MRPL42: variants seen among roughly 807,000 people sequenced by gnomAD.
MRPL42 encodes large ribosomal subunit protein mL42.
In MRPL42, 17 loss-of-function variants were observed where a neutral mutation model predicts 17.9. That is an observed-to-expected ratio of 0.95 (90% confidence interval 0.65 to 1.42). The LOEUF (loss-of-function observed/expected upper bound fraction) is 1.42. MRPL42 is among the 40% of genes most tolerant of loss of function. MRPL42 has a pLI of 0.00. For synonymous variants in MRPL42, 59 were observed against 54.4 expected (o/e 1.08, Z -0.37); for missense variants, 177 against 175.2 (o/e 1.01, Z -0.06).
intron 5 of MRPL42, among the ~76,000 whole-genome samples, chr12:93,497,308 A>G (rs922790688): frequency 6.6e-6 from 1 of 152,310 alleles, no homozygotes; most frequent in African/African-American, 2.4e-5. Flanking sequence ...TATCCCTGAT[A>G]AACATGGATG....
In MRPL42 at chr12:93,503,831, C is replaced by T. The variant is rs2121289884; in HGVS notation, c.*2610C>T. On this transcript the variant is annotated 3_prime_UTR_variant, in exon 6 of 6. Transcript: ENST00000549982. ...AATTTTTTCCGTATCATTAAGTACT[C>T]TGATTTAATGGGTGCATATTATTCT... The T allele has an allele frequency of 6.6e-6, 1 of 151,978 alleles. No individual in the cohort carries two copies. Among genetic ancestry groups the T allele is most frequent in the Middle Eastern group, 3.4e-3 (1 of 294 alleles). 9.4% of individuals were successfully genotyped at this position (151,978 alleles called of 1,614,324 possible).
At chr12:93,489,167 ATAG>A (rs1953365235) in intron 5 of MRPL42, among the ~76,000 whole-genome samples, 1 of 152,208 alleles carries the variant, frequency 6.6e-6, no homozygotes. Context: ...AGGAGGGAAG[ATAG>A]TAGAGTAAAT....
At position 93,501,433 on chromosome 12, in the gene MRPL42, TC is replaced by T. The variant is rs1385250826; in HGVS notation, c.*213del. On this transcript the variant is annotated 3_prime_UTR_variant, in exon 6 of 6. Coordinates refer to ENST00000549982, the MANE Select transcript of MRPL42 (RefSeq NM_014050.4). ...TTTTTTCTTTTTCTATTTTAGTGTT[TC>T]ATTTATGTGCGGTCTCCAATTTAGG... The T allele has an allele frequency of 2.1e-5, 7 of 341,264 alleles. No homozygotes were observed. The Admixed American group carries it at 2.4e-4, about 12-fold the overall frequency. The allele number at this position is 341,264 out of a possible 1,614,324, so 21.1% of individuals were successfully genotyped here.
Position 93,479,826 on chromosome 12 carries a change from T to A in MRPL42, c.219+354T>A, listed in dbSNP as rs146065919. On this transcript the variant is annotated intron_variant, in intron 4 of 5. Transcript: ENST00000549982. ...CTAGACAATTATGAGAAAGTTGTATTTTAGAGTGCTGGGATTACAGCTACT... is the reference window on the plus strand; with the variant it reads ...CTAGACAATTATGAGAAAGTTGTATATTAGAGTGCTGGGATTACAGCTACT... Among the ~76,000 whole-genome samples, 542 of 151,734 alleles carry A rather than the reference T, an allele frequency of 3.6e-3. 2 individuals are homozygous for A. The highest frequency in any genetic ancestry group is 5.0e-3 in the Non-Finnish European group (336 of 67,878).
At chr12:93,484,939 C>T (rs1003385449) in intron 4 of MRPL42, among the ~76,000 whole-genome samples, 4 of 99,624 alleles carry the variant, frequency 4.0e-5, no homozygotes, top group Non-Finnish European at 9.2e-5. Flanking sequence ...CTTAATTGTG[C>T]CACCTCCATT....
At chr12:93,491,823 G>A (rs954406010) in intron 5 of MRPL42, among the ~76,000 whole-genome samples, 3 of 152,166 alleles carry the variant, frequency 2.0e-5, no homozygotes, top group Non-Finnish European at 4.4e-5. Flanking sequence ...TTGTGTCCGT[G>A]TGTACCCAGT....
chr12:93,471,680 CAT>C (rs1451640039), intron 2 of MRPL42, among the ~76,000 whole-genome samples: 1 of 152,136 alleles, frequency 6.6e-6, no homozygotes, highest in African/African-American at 2.4e-5. Context: ...GGGCCCTAAA[CAT>C]AGAAACATTT....
At chr12:93,480,054 T>C (rs1005553259) in intron 4 of MRPL42, among the ~76,000 whole-genome samples, 1 of 152,106 alleles carries the variant, frequency 6.6e-6, no homozygotes, top group Non-Finnish European at 1.5e-5. Context: ...TTGACCCAAG[T>C]CTTTTTATTG....
In MRPL42 at chr12:93,491,678, T is replaced by A. The variant is rs182674517; in HGVS notation, c.383+4018T>A. On this transcript the variant is annotated intron_variant, in intron 5 of 5. Coordinates refer to ENST00000549982, the MANE Select transcript of MRPL42 (RefSeq NM_014050.4). ...CTTCAGAGGGTACACAAGGGTATAT[T>A]GTGTGATGCTGAGGTTTGGAGTATG... Among the ~76,000 whole-genome samples, 14 of 152,310 alleles carry A rather than the reference T, an allele frequency of 9.2e-5. No individual in the cohort carries two copies. In the East Asian group the frequency reaches 2.5e-3, roughly 27 times the overall value.
chr12:93,467,733 A>G (rs1879698181), intron 1 of MRPL42, among the ~76,000 whole-genome samples, 179 bp downstream of exon 1: 1 of 152,170 alleles, frequency 6.6e-6, no homozygotes. Flanking sequence ...CGTTTCTTAT[A>G]GCGCCCCCTT....
At chr12:93,494,407 G>GAGCTAA (rs1197428083) in intron 5 of MRPL42, among the ~76,000 whole-genome samples, 1 of 152,212 alleles carries the variant, frequency 6.6e-6, no homozygotes, top group African/African-American at 2.4e-5. Context: ...TTTGGAGATA[G>GAGCTAA]AGCTAACAAG....
In MRPL42 at chr12:93,507,946, T is replaced by TAAA; in HGVS notation, c.*6734_*6736dup. 6.7e-6 allele frequency: 1 copy of TAAA among 149,314 alleles called. No individual in the cohort carries two copies. Among genetic ancestry groups the TAAA allele is most frequent in the Non-Finnish European group, 1.5e-5 (1 of 67,216 alleles). The allele number at this position is 149,314 out of a possible 1,614,324, so 9.2% of individuals were successfully genotyped here. On this transcript the variant is annotated 3_prime_UTR_variant, in exon 6 of 6. Coordinates refer to ENST00000549982, the MANE Select transcript of MRPL42 (RefSeq NM_014050.4). The stretch of plus-strand genomic sequence containing the variant: ...GGGCAACATAGTGAGAGCCCATCTG[T>TAAA]AAAAAAAAAAATTTTTTGAGATGGA...
At position 93,514,295 on chromosome 12, in the gene MRPL42, C is replaced by CTTTTTTTTTTTTTTTTTTT; in HGVS notation, c.*13076_*13094dup. 8.3e-6 allele frequency: 1 copy of CTTTTTTTTTTTTTTTTTTT among 120,852 alleles called. No homozygotes were observed. The highest frequency in any genetic ancestry group is 1.7e-5 in the Non-Finnish European group (1 of 59,760). The allele number at this position is 120,852 out of a possible 1,614,324, so 7.5% of individuals were successfully genotyped here. A position where few individuals can be genotyped will look rare whatever the true frequency, so the allele number is the denominator to read the frequency against. On this transcript the variant is annotated 3_prime_UTR_variant, in exon 6 of 6. Coordinates refer to ENST00000549982, the MANE Select transcript of MRPL42 (RefSeq NM_014050.4). ...CCCTCTGCTTTTTCTTTCTTTCTTT[C>CTTTTTTTTTTTTTTTTTTT]TTTTTTTTTTTTTTTTTTTTGAGAT... is the stretch of plus-strand genomic sequence containing the variant.
At position 93,468,618 on chromosome 12, in the gene MRPL42, A is replaced by G. The variant is rs151283671; in HGVS notation, c.-94-574A>G. The stretch of plus-strand genomic sequence containing the variant: ...GTGAAAGTACGTTGGAAAGTTAAAG[A>G]CTTTGTACACATATAAGATGGTGAA... On this transcript the variant is annotated intron_variant, in intron 1 of 5. Transcript: ENST00000549982. Among the ~76,000 whole-genome samples the G allele has an allele frequency of 3.8e-3, 580 of 152,332 alleles. 7 individuals carry two copies. Among genetic ancestry groups the G allele is most frequent in the African/African-American group, 0.013 (539 of 41,574 alleles).
At chr12:93,487,194 C>A (rs540898492) in intron 4 of MRPL42, among the ~76,000 whole-genome samples, 1 of 152,114 alleles carries the variant, frequency 6.6e-6, no homozygotes, top group Non-Finnish European at 1.5e-5. Flanking sequence ...AACTCCTGGG[C>A]TCAAGTGATT....
chr12:93,468,294 CTT>C (rs1410241641), intron 1 of MRPL42, among the ~76,000 whole-genome samples: 1 of 123,376 alleles, frequency 8.1e-6, no homozygotes, highest in Non-Finnish European at 1.8e-5. Flanking sequence ...TCCTAATTCT[CTT>C]TTATCACTAT....
chr12:93,494,299 C>T (rs544868627), intron 5 of MRPL42, among the ~76,000 whole-genome samples: 10 of 152,252 alleles, frequency 6.6e-5, no homozygotes, highest in African/African-American at 2.4e-4. Context: ...AGCTGGGAGA[C>T]CAGTTAGGAA....
In MRPL42 at chr12:93,467,562, C is replaced by T. The variant is rs1023969443; in HGVS notation, c.-95+8C>T. ...TGGTGAGAAGCCGTCAAGGTAACCG[C>T]TTCCCTCTACTCCTCCTGTCGAGGA... is the stretch of plus-strand genomic sequence containing the variant. On this transcript the variant is annotated splice_region_variant and intron_variant, in intron 1 of 5. Coordinates refer to ENST00000549982, the MANE Select transcript of MRPL42 (RefSeq NM_014050.4). The T allele has an allele frequency of 4.6e-5, 7 of 152,502 alleles. No homozygotes were observed. The highest frequency in any genetic ancestry group is 1.5e-4 in the African/African-American group (6 of 41,260). 9.4% of individuals were successfully genotyped at this position (152,502 alleles called of 1,614,324 possible).
chr12:93,494,353 TAG>T (rs1184260069), intron 5 of MRPL42, among the ~76,000 whole-genome samples: 1 of 152,186 alleles, frequency 6.6e-6, no homozygotes, highest in African/African-American at 2.4e-5. Flanking sequence ...TGGACTAGGA[TAG>T]CGGCAGAGGG....
Sources: allele counts gnomAD v4.1 joint callset (sites outside exome capture counted in the v4.1 genomes callset), GRCh38; gene constraint gnomAD v4.1.1; transcripts MANE v1.5; gene names NCBI Gene and HGNC (gene_info 2026-07-23, HGNC 2026-07-21).